The following RBFA variants were observed in gnomAD, a reference collection of about 807,000 sequenced individuals.
The protein encoded by RBFA is ribosome binding factor A, also known as putative ribosome-binding factor A, mitochondrial.
Under a neutral mutation model 27.9 loss-of-function variants are expected in RBFA, and 16 were observed. The ratio of observed to expected loss-of-function variants is 0.57; its 90% CI spans 0.39 to 0.87. The LOEUF (loss-of-function observed/expected upper bound fraction) is 0.87. RBFA is among the 40% of genes least tolerant of loss of function. The pLI, the probability that RBFA is intolerant of heterozygous loss-of-function variation, is 0.00. For missense variants in RBFA, 456 were observed against 432.1 expected, an observed-to-expected ratio of 1.06 and a Z score of -0.49; for synonymous variants, 181 against 181.0, an observed-to-expected ratio of 1.00 and a Z score of 0.00.
At position 80,046,258 on chromosome 18, in the gene RBFA, T is replaced by G; in HGVS notation, c.*103T>G. ...GTTGATGGAGTTAAACCATCTGCTC[T>G]TCTGCTACTTCAACATTTTCTAGCT... is the stretch of plus-strand genomic sequence containing the variant. On this transcript the variant is annotated 3_prime_UTR_variant, in exon 7 of 7. Transcript: ENST00000306735. The G allele has an allele frequency of 1.6e-6, 2 of 1,251,816 alleles. No individual in the cohort carries two copies. Among genetic ancestry groups the G allele is most frequent in the Non-Finnish European group, 2.2e-6 (2 of 914,096 alleles). The allele number at this position is 1,251,816 out of a possible 1,614,324, so 77.5% of individuals were successfully genotyped here. A position where few individuals can be genotyped will look rare whatever the true frequency, so the allele number is the denominator to read the frequency against.
chr18:80,044,645 C>T (rs1417366461), intron 6 of RBFA, among the ~76,000 whole-genome samples: 1 of 152,182 alleles, frequency 6.6e-6, no homozygotes, highest in Non-Finnish European at 1.5e-5. Context: ...TAGGGGAGGC[C>T]GACAGGAAGC....
Position 80,048,847 on chromosome 18 carries a change from AGTGTGG to A in RBFA, c.*2694_*2699del, listed in dbSNP as rs2052075037. Reference sequence around the variant, plus strand: ...CAGCTCAGTGCCTCCTAGAAAGTGGAGTGTGGGCATGTTTGCAGGGGATCCAACCAG... The same window carrying A: ...CAGCTCAGTGCCTCCTAGAAAGTGGAGCATGTTTGCAGGGGATCCAACCAG... On this transcript the variant is annotated 3_prime_UTR_variant, in exon 7 of 7. Transcript: ENST00000306735. Among the ~76,000 whole-genome samples, 1 of 144,966 alleles carries A rather than the reference AGTGTGG, an allele frequency of 6.9e-6. No individual in the cohort carries two copies. Among genetic ancestry groups the A allele is most frequent in the Admixed American group, 6.8e-5 (1 of 14,756 alleles).
Position 80,036,681 on chromosome 18 carries a change from T to G in RBFA, c.172T>G (p.Tyr58Asp). 5.0e-6 allele frequency: 8 copies of G among 1,612,796 alleles called. No homozygotes were observed. Among genetic ancestry groups the G allele is most frequent in the Non-Finnish European group, 6.8e-6 (8 of 1,179,134 alleles). The change falls in exon 2 of 7, where the codon TAT (tyrosine) becomes GAT (aspartate). Residue 58 changes from tyrosine (Y) to aspartate (D), a missense_variant. Transcript: ENST00000306735. ...FASKTKKKVWYESPSLGSHST... is the reference protein window; with the variant it reads ...FASKTKKKVWDESPSLGSHST... ...TTCTCCCCAAAGAAAAAAGGTTTGG[T>G]ATGAAAGTCCTTCCTTGGGTTCTCA...
At position 80,047,267 on chromosome 18, in the gene RBFA, ACCT is replaced by A. The variant is rs1052842593; in HGVS notation, c.*1118_*1120del. The A allele has an allele frequency of 3.9e-5, 6 of 152,314 alleles. No individual in the cohort carries two copies. Among genetic ancestry groups the A allele is most frequent in the Admixed American group, 3.9e-4 (6 of 15,278 alleles). The allele number at this position is 152,314 out of a possible 1,614,324, so 9.4% of individuals were successfully genotyped here. ...GTGGCTTTAGTTGCTGTGCCCTGCCACCTCCTCCCCAAAAAGGAGAAGTGTCCA... is the reference window on the plus strand; with the variant it reads ...GTGGCTTTAGTTGCTGTGCCCTGCCACCTCCCCAAAAAGGAGAAGTGTCCA... On this transcript the variant is annotated 3_prime_UTR_variant, in exon 7 of 7. Coordinates refer to ENST00000306735, the MANE Select transcript of RBFA (RefSeq NM_024805.3).
At chr18:80,034,851 G>C in intron 1 of RBFA, 198 bp downstream of exon 1, 2 of 558,324 alleles carry the variant, frequency 3.6e-6, no homozygotes, top group Non-Finnish European at 6.1e-6. Context: ...GTCGGGTTAA[G>C]AAAACAAAGT....
rs1643113683 is a variant in RBFA, at chr18:80,046,840, A to G, written c.*685A>G. On this transcript the variant is annotated 3_prime_UTR_variant, in exon 7 of 7. Transcript: ENST00000306735. Reference sequence around the variant, plus strand: ...TTTCCCTTGGTGCCCGTGGCCAGCTAGTGTATTTTCTAATCCATCCAAAGG... The same window carrying G: ...TTTCCCTTGGTGCCCGTGGCCAGCTGGTGTATTTTCTAATCCATCCAAAGG... 6.5e-6 allele frequency: 1 copy of G among 152,746 alleles called. No homozygotes were observed. The highest frequency in any genetic ancestry group is 1.5e-5 in the Non-Finnish European group (1 of 68,296). The allele number at this position is 152,746 out of a possible 1,614,324, so 9.5% of individuals were successfully genotyped here.
At chr18:80,035,974 T>A (rs1335959624) in intron 1 of RBFA, 1 of 152,194 alleles carries the variant, frequency 6.6e-6, no homozygotes, top group East Asian at 1.9e-4. Flanking sequence ...TCATCTTGTG[T>A]GTTTCGTACC....
At chr18:80,042,329 A>G (rs753722809) in intron 5 of RBFA, 110 bp downstream of exon 5, 2 of 566,144 alleles carry the variant, frequency 3.5e-6, no homozygotes, top group Admixed American at 3.5e-5. Flanking sequence ...GCCTCAAGGG[A>G]TCCTTCTGTC....
rs1485874000 is a variant in RBFA at position 80,046,313 on chromosome 18, A to C, written c.*158A>C. 1 of 812,554 alleles carries C rather than the reference A, an allele frequency of 1.2e-6. No homozygotes were observed. The allele number at this position is 812,554 out of a possible 1,614,324, so 50.3% of individuals were successfully genotyped here. A position where few individuals can be genotyped will look rare whatever the true frequency, so the allele number is the denominator to read the frequency against. ...CGTGTATCTAAACACAATTTGCTAC[A>C]CAAGTCACTGTTTTTTTTTCCATGC... On this transcript the variant is annotated 3_prime_UTR_variant, in exon 7 of 7. Transcript: ENST00000306735.
Position 80,037,331 on chromosome 18 carries a change from C to T in RBFA, c.203C>T (p.Thr68Ile). 1 of 1,613,458 alleles carries T rather than the reference C, an allele frequency of 6.2e-7. No individual in the cohort carries two copies. The highest frequency in any genetic ancestry group is 8.5e-7 in the Non-Finnish European group (1 of 1,179,812). The change falls in exon 3 of 7, where the codon ACT becomes ATT. Residue 68 changes from threonine (T) to isoleucine (I), a missense_variant and splice_region_variant. By Grantham distance (89) the Thr-to-Ile change is moderately conservative (BLOSUM62 -1). Coordinates refer to ENST00000306735, the MANE Select transcript of RBFA (RefSeq NM_024805.3). ...GGTGTGCTCTTCTTCCTGATGGAGACTTACAAACCATCCAAGTTGGAATTC... is the reference window on the plus strand; with the variant it reads ...GGTGTGCTCTTCTTCCTGATGGAGATTTACAAACCATCCAAGTTGGAATTC... ...YESPSLGSHS[T>I]YKPSKLEFLM...
chr18:80,045,228 C>CTT lies in RBFA; in HGVS notation c.651-531_651-530dup, dbSNP rs35063027. On this transcript the variant is annotated intron_variant, in intron 6 of 6. Transcript: ENST00000306735. ...TGCTTAGAGAAAAAAGTTGCAAACGCTTTTTTTTTTTTTTTTGAGGCAGAG... is the reference window on the plus strand; with the variant it reads ...TGCTTAGAGAAAAAAGTTGCAAACGCTTTTTTTTTTTTTTTTTTGAGGCAGAG... 1.8e-3 allele frequency among the ~76,000 whole-genome samples: 248 copies of CTT among 138,602 alleles called. 1 individual carries two copies. Among genetic ancestry groups the CTT allele is most frequent in the East Asian group, 3.2e-3 (15 of 4,728 alleles). The allele number at this position is 138,602 out of a possible 152,430, so 90.9% of individuals were successfully genotyped here.
chr18:80,042,111 G>A (rs772497290), intron 4 of RBFA, 24 bp from the exon 5 acceptor site: 1 of 1,552,440 alleles, frequency 6.4e-7, no homozygotes, highest in Non-Finnish European at 8.8e-7. Flanking sequence ...ACAGCTGTGA[G>A]GGTCTGTGCG....
chr18:80,041,438 G>A (rs1199790200), intron 4 of RBFA: 1 of 152,178 alleles, frequency 6.6e-6, no homozygotes, highest in Non-Finnish European at 1.5e-5. Flanking sequence ...TATCACTTCT[G>A]TGTCTAATAT....
intron 6 of RBFA, among the ~76,000 whole-genome samples, chr18:80,044,680 G>A (rs2052038826): frequency 6.6e-6 from 1 of 152,244 alleles, no homozygotes; most frequent in African/African-American, 2.4e-5. Flanking sequence ...ATGGGTGTTA[G>A]GAGGGGAGTA....
At chr18:80,043,209 A>C (rs1157974596) in intron 5 of RBFA, among the ~76,000 whole-genome samples, 1 of 152,236 alleles carries the variant, frequency 6.6e-6, no homozygotes, top group Non-Finnish European at 1.5e-5. Flanking sequence ...AAGTCAGTCA[A>C]AAATCAGCGA....
chr18:80,042,363 T>G, intron 5 of RBFA, 144 bp downstream of exon 5: 2 of 438,222 alleles, frequency 4.6e-6, no homozygotes, highest in Middle Eastern at 6.7e-4. Context: ...GTGCTGGGAT[T>G]TATAGGTGTG....
In RBFA at chr18:80,048,828, A is replaced by AGT. The variant is rs1263580605; in HGVS notation, c.*2675_*2676dup. 6.7e-6 allele frequency among the ~76,000 whole-genome samples: 1 copy of AGT among 149,112 alleles called. No individual in the cohort carries two copies. The highest frequency in any genetic ancestry group is 6.6e-5 in the Admixed American group (1 of 15,100). ...AGGGGATCCAACCAGGCGTCAGCTC[A>AGT]GTGCCTCCTAGAAAGTGGAGTGTGG... On this transcript the variant is annotated 3_prime_UTR_variant, in exon 7 of 7. Transcript: ENST00000306735.
intron 4 of RBFA, among the ~76,000 whole-genome samples, chr18:80,040,574 C>G (rs1052674795): frequency 1.3e-5 from 2 of 152,060 alleles, no homozygotes; most frequent in Non-Finnish European, 2.9e-5. Context: ...AGAGGAAGGA[C>G]AGAGTGCAGA....
rs897799780 is a variant in RBFA, at chr18:80,049,613, G to C, written c.*3458G>C. Among the ~76,000 whole-genome samples, 31 of 152,240 alleles carry C rather than the reference G, an allele frequency of 2.0e-4. No individual in the cohort carries two copies. The highest frequency in any genetic ancestry group is 7.0e-4 in the African/African-American group (29 of 41,462). On this transcript the variant is annotated 3_prime_UTR_variant, in exon 7 of 7. Transcript: ENST00000306735. ...TGTGTCACTGTCCCTTACCTTGTTA[G>C]TAAAGGTCAATGGTTCTCAAAGTTC...
Sources: allele counts gnomAD v4.1 joint callset (sites outside exome capture counted in the v4.1 genomes callset), GRCh38; gene constraint gnomAD v4.1.1; transcripts MANE v1.5; gene names NCBI Gene and HGNC (gene_info 2026-07-23, HGNC 2026-07-21).